Variants in SEMA6D observed in about 807,000 individuals in gnomAD.
SEMA6D encodes semaphorin-6D.
SEMA6D carries 35 observed loss-of-function variants against 106.6 expected under a neutral mutation model. That is an observed-to-expected ratio of 0.33 (90% CI 0.25 to 0.44). The LOEUF (loss-of-function observed/expected upper bound fraction) is 0.44, where lower values mean the gene tolerates loss of function less well. SEMA6D is among the 20% of genes least tolerant of loss of function. SEMA6D has a pLI of 1.00. For missense variants in SEMA6D, 1,185 were observed against 1,345.9 expected, an observed-to-expected ratio of 0.88 and a Z score of 1.87; for synonymous variants, 499 against 487.7, an observed-to-expected ratio of 1.02 and a Z score of -0.31.
At chr15:47,259,226 A>T (rs1236849562) in intron 1 of SEMA6D, among the ~76,000 whole-genome samples, 1 of 152,184 alleles carries the variant, frequency 6.6e-6, no homozygotes, top group Admixed American at 6.5e-5. Context: ...AGTCTATTGG[A>T]TGTACCCATA....
At chr15:47,322,558 T>C (rs994640075) in intron 1 of SEMA6D, among the ~76,000 whole-genome samples, 3 of 152,152 alleles carry the variant, frequency 2.0e-5, no homozygotes, top group Non-Finnish European at 2.9e-5. Context: ...GCGAATCATA[T>C]CGGGGATACA....
intron 3 of SEMA6D, among the ~76,000 whole-genome samples, chr15:47,522,052 A>G (rs927473523): frequency 1.2e-4 from 18 of 152,202 alleles, no homozygotes; most frequent in African/African-American, 4.3e-4. Context: ...CACTTTATCT[A>G]CCAGCAATCT....
intron 1 of SEMA6D, among the ~76,000 whole-genome samples, chr15:47,262,591 T>G (rs868193718): frequency 3.9e-5 from 6 of 152,198 alleles, no homozygotes; most frequent in South Asian, 2.1e-4. Context: ...AGTCCCACTC[T>G]TGACACATGG....
intron 3 of SEMA6D, among the ~76,000 whole-genome samples, chr15:47,583,669 C>T (rs2076289979): frequency 6.6e-6 from 1 of 152,142 alleles, no homozygotes; most frequent in African/African-American, 2.4e-5. Context: ...GCTCCATACC[C>T]CAGCTGTCAG....
intron 3 of SEMA6D, among the ~76,000 whole-genome samples, chr15:47,526,480 A>G (rs1212053876): frequency 6.6e-6 from 1 of 152,206 alleles, no homozygotes; most frequent in Non-Finnish European, 1.5e-5. Flanking sequence ...AATATTATTA[A>G]TAATCCTCCC....
At chr15:47,767,677 C>T (rs551363154) in intron 17 of SEMA6D, among the ~76,000 whole-genome samples, 237 of 152,158 alleles carry the variant, frequency 1.6e-3, no homozygotes, top group Non-Finnish European at 5.3e-4. Context: ...CTGTTTGGAG[C>T]CTCCTTCTGT....
intron 2 of SEMA6D, among the ~76,000 whole-genome samples, chr15:47,421,330 T>G (rs1407768750): frequency 6.6e-6 from 1 of 152,090 alleles, no homozygotes; most frequent in African/African-American, 2.4e-5. Flanking sequence ...CTTTGCTACT[T>G]ACCAGCTATA....
intron 2 of SEMA6D, among the ~76,000 whole-genome samples, chr15:47,416,626 C>T (rs998103396): frequency 2.0e-5 from 3 of 152,098 alleles, no homozygotes; most frequent in Admixed American, 2.0e-4. Flanking sequence ...GGTAATTTCT[C>T]TGTTCAATCA....
At chr15:47,454,469 T>G (rs1030114961) in intron 2 of SEMA6D, among the ~76,000 whole-genome samples, 2 of 151,894 alleles carry the variant, frequency 1.3e-5, no homozygotes, top group African/African-American at 4.8e-5. Context: ...CTGCATGGCA[T>G]CTTGTGAAGA....
intron 1 of SEMA6D, among the ~76,000 whole-genome samples, chr15:47,354,772 T>C (rs1259510942): frequency 2.6e-5 from 4 of 151,974 alleles, no homozygotes; most frequent in African/African-American, 9.7e-5. Context: ...ACTTGCATGG[T>C]CTACAACAGG....
At chr15:47,191,032 G>C (rs373906752) in intron 1 of SEMA6D, among the ~76,000 whole-genome samples, 5 of 152,008 alleles carry the variant, frequency 3.3e-5, no homozygotes, top group African/African-American at 9.7e-5. Flanking sequence ...TAATAGCCGG[G>C]TGCAGTCATA....
At chr15:47,191,387 C>T (rs757169776) in intron 1 of SEMA6D, among the ~76,000 whole-genome samples, 34 of 152,078 alleles carry the variant, frequency 2.2e-4, no homozygotes, top group South Asian at 4.2e-4. Context: ...TGAATACTAG[C>T]GTTATTTTTA....
intron 1 of SEMA6D, among the ~76,000 whole-genome samples, chr15:47,299,849 A>C (rs147578505): frequency 6.6e-6 from 1 of 152,214 alleles, no homozygotes; most frequent in African/African-American, 2.4e-5. Flanking sequence ...TACTTGATGA[A>C]AAATTGCAGG....
At chr15:47,250,066 A>C (rs764232128) in intron 1 of SEMA6D, among the ~76,000 whole-genome samples, 4 of 152,226 alleles carry the variant, frequency 2.6e-5, no homozygotes, top group Non-Finnish European at 4.4e-5. Context: ...CCTGTTCTAG[A>C]GGAGCTTGTG....
chr15:47,255,260 G>A (rs1410286626), intron 1 of SEMA6D, among the ~76,000 whole-genome samples: 4 of 151,858 alleles, frequency 2.6e-5, no homozygotes, highest in Admixed American at 6.6e-5. Context: ...TCTTGTGATC[G>A]TTGTATTACT....
intron 1 of SEMA6D, among the ~76,000 whole-genome samples, chr15:47,348,201 T>G (rs1312898877): frequency 1.3e-5 from 2 of 152,250 alleles, no homozygotes; most frequent in East Asian, 3.9e-4. Flanking sequence ...ATACTGATTG[T>G]GCTTCATGAG....
chr15:47,541,591 C>G (rs2045357794), intron 3 of SEMA6D, among the ~76,000 whole-genome samples: 1 of 152,188 alleles, frequency 6.6e-6, no homozygotes, highest in Non-Finnish European at 1.5e-5. Context: ...AATGAATCCT[C>G]TCTGAAATTC....
chr15:47,646,490 T>A (rs117629041), intron 4 of SEMA6D, among the ~76,000 whole-genome samples: 1,608 of 152,308 alleles, frequency 0.011, 18 homozygotes, highest in South Asian at 0.045. Context: ...TTTGGGTGAC[T>A]GAGAAAATCT....
chr15:47,299,499 G>A (rs745569795), intron 1 of SEMA6D, among the ~76,000 whole-genome samples: 11 of 152,110 alleles, frequency 7.2e-5, no homozygotes, highest in Admixed American at 3.9e-4. Flanking sequence ...TGATCTGCTC[G>A]GCCAATAAAC....
Sources: gnomAD v4.1 joint callset for allele counts (sites outside exome capture counted in the v4.1 genomes callset) on GRCh38, gnomAD v4.1.1 for gene constraint, MANE v1.5 for transcripts, NCBI Gene and HGNC (gene_info 2026-07-23, HGNC 2026-07-21) for gene names.